The following CTSV variants were observed in gnomAD, a reference collection of about 807,000 sequenced individuals.
CTSV encodes the protein cathepsin V, also known as cathepsin L2.
A neutral mutation model predicts 35.6 loss-of-function variants in CTSV; 33 were observed. The ratio of observed to expected loss-of-function variants is 0.93; its 90% CI spans 0.70 to 1.24. CTSV has a LOEUF of 1.24. CTSV is among the 50% of genes most tolerant of loss of function. The pLI is 0.00. For missense variants in CTSV, 408 were observed against 413.1 expected (o/e 0.99, Z 0.11); for synonymous variants, 154 against 147.1 (o/e 1.05, Z -0.34).
intron 1 of CTSV, among the ~76,000 whole-genome samples, chr9:97,038,840 G>T (rs1240865687): frequency 2.0e-5 from 3 of 152,144 alleles, no homozygotes; most frequent in African/African-American, 7.2e-5. Context: ...GGTCCGGTCC[G>T]GCTTCAGCCC....
Position 97,037,376 on chromosome 9 carries a change from A to G in CTSV, c.272T>C (p.Met91Thr). The change falls in exon 4 of 8, where the codon ATG (methionine) becomes ACG (threonine). Residue 91 changes from methionine to threonine, a missense_variant. Coordinates refer to ENST00000259470, the MANE Select transcript of CTSV (RefSeq NM_001333.4). ...GDMTNEEFRQ[M>T]MGCFRNQKFR... ...TTTCTGGTTTCGAAAGCAACCCATC[A>G]TCTGCCTGAATTCTTCATTGGTCTT... is the stretch of plus-strand genomic sequence containing the variant. 1 of 1,614,162 alleles carries G rather than the reference A, an allele frequency of 6.2e-7. No individual in the cohort carries two copies. The highest frequency in any genetic ancestry group is 8.5e-7 in the Non-Finnish European group (1 of 1,180,034).
At chr9:97,037,447 A>C in intron 3 of CTSV, 46 bp downstream of exon 3, 1 of 1,613,768 alleles carries the variant, frequency 6.2e-7, no homozygotes, top group Non-Finnish European at 8.5e-7. Flanking sequence ...ATTTTGGTGA[A>C]GAACTGAGAA....
Position 97,029,750 on chromosome 9 carries a change from A to G in CTSV, c.*3199T>C, listed in dbSNP as rs1160335647. ...ATGAACATTTGTGAAATTGTTTACA[A>G]TTGAGATATCCATACACACAAGTCA... On this transcript the variant is annotated 3_prime_UTR_variant, in exon 8 of 8. Coordinates refer to ENST00000259470, the MANE Select transcript of CTSV (RefSeq NM_001333.4). 2 of 152,268 alleles carry G rather than the reference A, an allele frequency of 1.3e-5. No individual in the cohort carries two copies. Among genetic ancestry groups the G allele is most frequent in the African/African-American group, 4.8e-5 (2 of 41,474 alleles). The allele number at this position is 152,268 out of a possible 1,614,324, so 9.4% of individuals were successfully genotyped here.
At chr9:97,037,794 T>A (rs1323971060) in intron 2 of CTSV, 124 bp downstream of exon 2, 3 of 1,406,770 alleles carry the variant, frequency 2.1e-6, no homozygotes, top group African/African-American at 2.8e-5. Context: ...GCACCTATAA[T>A]GGGTGCTGTT....
At chr9:97,033,257 A>C (rs1043869113) in intron 7 of CTSV, among the ~76,000 whole-genome samples, 4 of 152,068 alleles carry the variant, frequency 2.6e-5, no homozygotes, top group Non-Finnish European at 4.4e-5. Flanking sequence ...TGGGCAGATC[A>C]CTTGAGGTCA....
At chr9:97,037,455 GA>G (rs1342306025) in intron 3 of CTSV, 37 bp downstream of exon 3, 1 of 1,613,890 alleles carries the variant, frequency 6.2e-7, no homozygotes, top group Non-Finnish European at 8.5e-7. Context: ...GAAGAACTGA[GA>G]AGCAGCACAG....
In CTSV at chr9:97,037,900, G is replaced by T; in HGVS notation, c.126+18C>A. The T allele has an allele frequency of 6.2e-7, 1 of 1,613,328 alleles. No individual in the cohort carries two copies. Among genetic ancestry groups the T allele is most frequent in the Non-Finnish European group, 8.5e-7 (1 of 1,179,372 alleles). On this transcript the variant is annotated intron_variant, in intron 2 of 7. Coordinates refer to ENST00000259470, the MANE Select transcript of CTSV (RefSeq NM_001333.4). ...ATTCTCTCCAGAGTCCCTCTGGACAGTTTCAGATGTTACCAACCGCGCCAT... is the reference window on the plus strand; with the variant it reads ...ATTCTCTCCAGAGTCCCTCTGGACATTTTCAGATGTTACCAACCGCGCCAT...
intron 1 of CTSV, 135 bp from the exon 2 acceptor site, chr9:97,038,188 C>T: frequency 1.0e-6 from 1 of 965,712 alleles, no homozygotes; most frequent in South Asian, 1.8e-5. Flanking sequence ...TGAAACAGGC[C>T]AAGTGGAGGT....
Position 97,032,585 on chromosome 9 carries a change from GTTA to G in CTSV, c.*361_*363del, listed in dbSNP as rs1175448853. The G allele has an allele frequency of 1.2e-5, 2 of 168,622 alleles. No homozygotes were observed. The highest frequency in any genetic ancestry group is 4.8e-5 in the African/African-American group (2 of 42,038). The allele number at this position is 168,622 out of a possible 1,614,324, so 10.4% of individuals were successfully genotyped here. On this transcript the variant is annotated 3_prime_UTR_variant, in exon 8 of 8. Coordinates refer to ENST00000259470, the MANE Select transcript of CTSV (RefSeq NM_001333.4). ...TCCTAACATACCATTGGCACATGAAGTTATTATTTCAGAGCTTAATTATATTTC... is the reference window on the plus strand; with the variant it reads ...TCCTAACATACCATTGGCACATGAAGTTATTTCAGAGCTTAATTATATTTC...
Position 97,036,640 on chromosome 9 carries a change from G to C in CTSV, c.504C>G (p.Asp168Glu), listed in dbSNP as rs1017949639. 2.5e-6 allele frequency: 4 copies of C among 1,613,858 alleles called. No homozygotes were observed. The African/African-American group carries it at 4.0e-5, about 16-fold the overall frequency. The change falls in exon 5 of 8, where the codon GAC becomes GAG. Residue 168 changes from aspartate (D) to glutamate (E), a missense_variant. Physicochemically the swap from Asp to Glu is conservative, Grantham distance 45. Coordinates refer to ENST00000259470, the MANE Select transcript of CTSV (RefSeq NM_001333.4). ...LVSLSEQNLVDCSRPQGNQGC... is the reference protein window; with the variant it reads ...LVSLSEQNLVECSRPQGNQGC... ...CCTGATTGCCTTGAGGACGCGAACA[G>C]TCCACCAGATTCTGCTCGCTCAGTG...
chr9:97,032,374 G>A lies in CTSV; in HGVS notation c.*575C>T, dbSNP rs1828767651. On this transcript the variant is annotated 3_prime_UTR_variant, in exon 8 of 8. Transcript: ENST00000259470. ...GATCACACTACTGCACTCCAGCCTT[G>A]GTGACAGAGTGAGAGAGACTCCGTC... 6.6e-6 allele frequency: 1 copy of A among 152,172 alleles called. No homozygotes were observed. The highest frequency in any genetic ancestry group is 1.5e-5 in the Non-Finnish European group (1 of 68,080). The allele number at this position is 152,172 out of a possible 1,614,324, so 9.4% of individuals were successfully genotyped here. A position where few individuals can be genotyped will look rare whatever the true frequency, so the allele number is the denominator to read the frequency against.
intron 7 of CTSV, 50 bp from the exon 8 acceptor site, chr9:97,033,098 T>A: frequency 7.9e-7 from 1 of 1,265,282 alleles, no homozygotes; most frequent in African/African-American, 1.5e-5. Context: ...AAGGGAAAAT[T>A]GGCTCCATTA....
chr9:97,036,559 G>A lies in CTSV; in HGVS notation c.585C>T (p.Gly195=), dbSNP rs755101687. ...RAFQYVKENG[G]LDSEESYPYV... ...ATGGATAGGATTCCTCAGAGTCCAG[G>A]CCTCCGTTCTCCTTGACATACTGGA... The change falls in exon 5 of 8, where the codon GGC becomes GGT. Residue 195 remains glycine (G), a synonymous_variant. Coordinates refer to ENST00000259470, the MANE Select transcript of CTSV (RefSeq NM_001333.4). The A allele has an allele frequency of 3.1e-6, 5 of 1,613,846 alleles. No individual in the cohort carries two copies. The highest frequency in any genetic ancestry group is 1.1e-5 in the South Asian group (1 of 91,074).
intron 5 of CTSV, 123 bp downstream of exon 5, chr9:97,036,400 C>T (rs913286787): frequency 1.3e-5 from 10 of 776,242 alleles, no homozygotes; most frequent in African/African-American, 5.2e-5. Flanking sequence ...ACAATACTCA[C>T]GGTTTGCAGA....
At position 97,037,339 on chromosome 9, in the gene CTSV, C is replaced by T. The variant is rs773663582; in HGVS notation, c.309G>A (p.Gly103=). ...GAAACAGAGGCTCACGGAACACTTT[C>T]CCCTTCCTGAATTTCTGGTTTCGAA... ...GCFRNQKFRK[G]KVFREPLFLD... The change falls in exon 4 of 8, where the codon GGG becomes GGA. Residue 103 remains glycine (G), a synonymous_variant. Coordinates refer to ENST00000259470, the MANE Select transcript of CTSV (RefSeq NM_001333.4). 2.5e-6 allele frequency: 4 copies of T among 1,614,190 alleles called. No individual in the cohort carries two copies. The highest frequency in any genetic ancestry group is 2.5e-6 in the Non-Finnish European group (3 of 1,180,038).
In CTSV at chr9:97,034,705, T is replaced by G. The variant is rs755600659; in HGVS notation, c.905+21A>C. 3.8e-6 allele frequency: 6 copies of G among 1,584,146 alleles called. No homozygotes were observed. The African/African-American group carries it at 6.7e-5, about 18-fold the overall frequency. ...TACTGATTTGGAACAAAAATTCCCTTTTCAATTTTGAGTTTTATACCTGTT... is the reference window on the plus strand; with the variant it reads ...TACTGATTTGGAACAAAAATTCCCTGTTCAATTTTGAGTTTTATACCTGTT... On this transcript the variant is annotated intron_variant, in intron 7 of 7. Transcript: ENST00000259470.
chr9:97,038,075 G>GT (rs1828888236), intron 1 of CTSV, 22 bp from the exon 2 acceptor site: 1 of 1,609,758 alleles, frequency 6.2e-7, no homozygotes, highest in African/African-American at 1.3e-5. Flanking sequence ...AAAGAAATGA[G>GT]TATCTGATTA....
chr9:97,031,642 T>A lies in CTSV; in HGVS notation c.*1307A>T, dbSNP rs1828747530. On this transcript the variant is annotated 3_prime_UTR_variant, in exon 8 of 8. Transcript: ENST00000259470. The stretch of plus-strand genomic sequence containing the variant: ...TACCTGTGTAACTATATGCTTAGCC[T>A]TTTTCCCCCCATTTTGAGTTTATTT... 1 of 152,184 alleles carries A rather than the reference T, an allele frequency of 6.6e-6. No homozygotes were observed. Among genetic ancestry groups the A allele is most frequent in the African/African-American group, 2.4e-5 (1 of 41,452 alleles). The allele number at this position is 152,184 out of a possible 1,614,324, so 9.4% of individuals were successfully genotyped here. A position where few individuals can be genotyped will look rare whatever the true frequency, so the allele number is the denominator to read the frequency against.
At chr9:97,036,853 G>A (rs1406407932) in intron 4 of CTSV, 106 bp from the exon 5 acceptor site, 5 of 1,006,506 alleles carry the variant, frequency 5.0e-6, no homozygotes, top group East Asian at 2.8e-5. Flanking sequence ...AAAACCCATC[G>A]CCACACTTTG....
Sources: allele counts gnomAD v4.1 joint callset (sites outside exome capture counted in the v4.1 genomes callset), GRCh38; gene constraint gnomAD v4.1.1; transcripts MANE v1.5; gene names NCBI Gene and HGNC (gene_info 2026-07-23, HGNC 2026-07-21).